DIPK2B: variants seen among roughly 807,000 people sequenced by gnomAD.
DIPK2B encodes divergent protein kinase domain 2B, also known as UPF0672 protein CXorf36.
In DIPK2B, 15 loss-of-function variants were observed where a neutral mutation model predicts 22.2. The ratio of observed to expected loss-of-function variants is 0.68; its 90% CI spans 0.45 to 1.04. The LOEUF is 1.04. Ranked by LOEUF, DIPK2B falls within the 50% of genes least tolerant of loss-of-function variation. The probability of loss-of-function intolerance (pLI) is 0.00; values close to 1 mark genes in which losing one functional copy is unlikely to be tolerated. For missense variants in DIPK2B, 345 were observed against 348.3 expected (o/e 0.99, Z 0.08); for synonymous variants, 163 against 153.2 (o/e 1.06, Z -0.47).
intron 2 of DIPK2B, chrX:45,162,503 T>C: frequency 1.3e-6 from 1 of 754,442 alleles, no homozygotes; most frequent in South Asian, 6.7e-5. Context: ...CTTTGTCTAC[T>C]TCTGTTTGGC....
At chrX:45,156,802 T>C (rs2046997985) in intron 3 of DIPK2B, among the ~76,000 whole-genome samples, 1 of 111,765 alleles carries the variant, frequency 8.9e-6, no homozygotes, top group Admixed American at 9.5e-5. Context: ...GAGCTGTTAT[T>C]ATGTATTCAA....
chrX:45,198,662 T>C (rs1189757337), intron 1 of DIPK2B, among the ~76,000 whole-genome samples: 1 of 111,943 alleles, frequency 8.9e-6, no homozygotes, highest in East Asian at 2.8e-4. Flanking sequence ...GCAGTCATCC[T>C]AGAGCTCTTC....
intron 2 of DIPK2B, among the ~76,000 whole-genome samples, chrX:45,177,900 A>G (rs2047127438): frequency 9.0e-6 from 1 of 111,673 alleles, no homozygotes; most frequent in African/African-American, 3.3e-5. Flanking sequence ...ATGATGTCAT[A>G]TCCATTCATT....
intron 1 of DIPK2B, among the ~76,000 whole-genome samples, chrX:45,199,883 A>C (rs1378981978): frequency 9.0e-6 from 1 of 111,253 alleles, no homozygotes; most frequent in Non-Finnish European, 1.9e-5. Flanking sequence ...GTGTGATGCC[A>C]TTCTTTGCTG....
chrX:45,153,414 A>G (rs2046971347), intron 4 of DIPK2B, among the ~76,000 whole-genome samples: 1 of 110,315 alleles, frequency 9.1e-6, no homozygotes, highest in Non-Finnish European at 1.9e-5. Flanking sequence ...TTTAAGTTTT[A>G]GATAAAGGGT....
At chrX:45,152,871 C>T (rs942661355) in intron 4 of DIPK2B, among the ~76,000 whole-genome samples, 1 of 111,691 alleles carries the variant, frequency 9.0e-6, no homozygotes, top group Non-Finnish European at 1.9e-5. Flanking sequence ...GCAGAGGTTG[C>T]AGTGAGCCAA....
At chrX:45,185,955 T>G (rs1217600476) in intron 2 of DIPK2B, among the ~76,000 whole-genome samples, 1 of 111,651 alleles carries the variant, frequency 9.0e-6, no homozygotes, top group Non-Finnish European at 1.9e-5. Context: ...CCCGGCCGAC[T>G]GTCTCATTTT....
intron 2 of DIPK2B, chrX:45,163,013 A>G: frequency 1.5e-6 from 1 of 681,671 alleles, no homozygotes; most frequent in South Asian, 7.6e-5. Context: ...CAACTTGGCT[A>G]GGCTGTATTC....
rs773915259 is a variant in DIPK2B, at chrX:45,150,736, C to G, written c.*916G>C. On this transcript the variant is annotated 3_prime_UTR_variant, in exon 5 of 5. Coordinates refer to ENST00000398000, the MANE Select transcript of DIPK2B (RefSeq NM_176819.4). ...CTTTGTCTTGAGGACACCCTGACAG[C>G]CTTGCTGAACCTTTCTTTGATTTTG... is the stretch of plus-strand genomic sequence containing the variant. 1 of 111,372 alleles carries G rather than the reference C, an allele frequency of 9.0e-6. No individual in the cohort carries two copies. Among genetic ancestry groups the G allele is most frequent in the Non-Finnish European group, 1.9e-5 (1 of 53,029 alleles). The allele number at this position is 111,372 out of a possible 1,213,427, so 9.2% of individuals were successfully genotyped here.
intron 2 of DIPK2B, chrX:45,162,455 G>A (rs1376611622): frequency 1.3e-6 from 1 of 752,535 alleles, no homozygotes; most frequent in Non-Finnish European, 1.6e-6. Flanking sequence ...TTATGATGGA[G>A]GCAGCTCCTC....
At position 45,153,534 on chromosome X, in the gene DIPK2B, GGA is replaced by G. The variant is rs768301119; in HGVS notation, c.961+374_961+375del. On this transcript the variant is annotated intron_variant, in intron 4 of 4. Coordinates refer to ENST00000398000, the MANE Select transcript of DIPK2B (RefSeq NM_176819.4). ...TGTGTGTGTGTGTGACAGAGAGAGAGGAGAGAGAGAGAGAGTGAGAAAGAGAG... is the reference window on the plus strand; with the variant it reads ...TGTGTGTGTGTGTGACAGAGAGAGAGGAGAGAGAGAGAGTGAGAAAGAGAG... Among the ~76,000 whole-genome samples the G allele has an allele frequency of 4.7e-3, 489 of 103,119 alleles. 2 individuals are homozygous for G. The highest frequency in any genetic ancestry group is 6.9e-3 in the Non-Finnish European group (347 of 50,351). The allele number at this position is 103,119 out of a possible 115,157, so 89.5% of individuals were successfully genotyped here.
chrX:45,164,346 C>A, intron 2 of DIPK2B: 1 of 916,765 alleles, frequency 1.1e-6, no homozygotes, highest in Non-Finnish European at 1.5e-6. Flanking sequence ...ATGCAAATGG[C>A]AGATAGCATT....
intron 2 of DIPK2B, chrX:45,162,595 A>C: frequency 2.7e-6 from 2 of 754,569 alleles, no homozygotes; most frequent in Non-Finnish European, 3.1e-6. Flanking sequence ...CAATAAAATA[A>C]GGTTTCATTT....
At chrX:45,192,099 C>A in intron 1 of DIPK2B, 84 bp from the exon 2 acceptor site, 15 of 921,810 alleles carry the variant, frequency 1.6e-5, no homozygotes, top group Middle Eastern at 3.0e-4. Context: ...GGGACAATAG[C>A]CCAACTGATC....
chrX:45,181,435 T>A (rs980472713), intron 2 of DIPK2B, among the ~76,000 whole-genome samples: 1 of 112,111 alleles, frequency 8.9e-6, no homozygotes, highest in Non-Finnish European at 1.9e-5. Flanking sequence ...CTGAGAGGCG[T>A]ACACTACAGG....
intron 3 of DIPK2B, 118 bp downstream of exon 3, chrX:45,157,597 A>G: frequency 1.3e-6 from 1 of 766,345 alleles, no homozygotes; most frequent in Non-Finnish European, 1.9e-6. Flanking sequence ...GAAAGGTCCT[A>G]ACACGGGCTA....
At position 45,154,214 on chromosome X, in the gene DIPK2B, G is replaced by T; in HGVS notation, c.673-16C>A. ...CAGGGAAGATCTGCCAAGCCAGAAG[G>T]AGGAGGATTAGAGAGAAAAATCTGG... On this transcript the variant is annotated splice_polypyrimidine_tract_variant and intron_variant, in intron 3 of 4. Coordinates refer to ENST00000398000, the MANE Select transcript of DIPK2B (RefSeq NM_176819.4). 1 of 1,177,235 alleles carries T rather than the reference G, an allele frequency of 8.5e-7. No homozygotes were observed. The highest frequency in any genetic ancestry group is 1.1e-6 in the Non-Finnish European group (1 of 879,221).
At chrX:45,162,957 G>A (rs946144458) in intron 2 of DIPK2B, 40 of 751,734 alleles carry the variant, frequency 5.3e-5, no homozygotes, top group African/African-American at 4.6e-5. Context: ...GAAGACGGTC[G>A]ATAAAATTTA....
In DIPK2B at chrX:45,162,752, CCTCT is replaced by C. The variant is rs1018498029; in HGVS notation, c.499-4868_499-4865del. On this transcript the variant is annotated intron_variant, in intron 2 of 4. Transcript: ENST00000398000. ...AACCAAACCCTGGACCTCTGTTGCC[CCTCT>C]CTCTCCCGTGCCTGGTTTCCTCATC... is the stretch of plus-strand genomic sequence containing the variant. The C allele has an allele frequency of 4.0e-6, 3 of 752,521 alleles. No homozygotes were observed. The African/African-American group carries it at 7.0e-5, about 17-fold the overall frequency. 62.0% of individuals were successfully genotyped at this position (752,521 alleles called of 1,213,427 possible). A position where few individuals can be genotyped will look rare whatever the true frequency, so the allele number is the denominator to read the frequency against.
Sources: gnomAD v4.1 joint callset for allele counts (sites outside exome capture counted in the v4.1 genomes callset) on GRCh38, gnomAD v4.1.1 for gene constraint, MANE v1.5 for transcripts, NCBI Gene and HGNC (gene_info 2026-07-23, HGNC 2026-07-21) for gene names.